PCDHGA1: variants seen among roughly 807,000 people sequenced by gnomAD.
PCDHGA1 encodes the protein protocadherin gamma-A1.
Under a neutral mutation model 58.0 loss-of-function variants are expected in PCDHGA1, and 32 were observed. The ratio of observed to expected loss-of-function variants is 0.55; its 90% CI spans 0.42 to 0.74. The LOEUF (loss-of-function observed/expected upper bound fraction) is 0.74. Ranked by LOEUF, PCDHGA1 falls within the 30% of genes least tolerant of loss-of-function variation. PCDHGA1 has a pLI of 0.00. For synonymous variants in PCDHGA1, 498 were observed against 501.1 expected, an observed-to-expected ratio of 0.99 and a Z score of 0.08; for missense variants, 1,205 against 1,182.3, an observed-to-expected ratio of 1.02 and a Z score of -0.28.
At chr5:141,344,308 G>A (rs1018408002) in intron 1 of PCDHGA1, 3 of 1,614,068 alleles carry the variant, frequency 1.9e-6, no homozygotes, top group East Asian at 2.2e-5. Context: ...AGGATAGACC[G>A]GGAGGAGCTC....
intron 1 of PCDHGA1, among the ~76,000 whole-genome samples, chr5:141,464,162 G>A (rs1030872607): frequency 6.6e-6 from 1 of 151,946 alleles, no homozygotes; most frequent in African/African-American, 2.4e-5. Context: ...CTACTTGGAA[G>A]GCTGAGGCAG....
intron 1 of PCDHGA1, chr5:141,383,265 A>AAT: frequency 6.2e-7 from 1 of 1,613,948 alleles, no homozygotes; most frequent in African/African-American, 1.3e-5. Flanking sequence ...TAGACGTGGA[A>AAT]ATAATAGATA....
intron 1 of PCDHGA1, chr5:141,417,544 C>A: frequency 3.2e-6 from 1 of 308,860 alleles, no homozygotes; most frequent in Non-Finnish European, 5.9e-6. Context: ...AAAAAAATTC[C>A]TTGAAAGAGG....
intron 1 of PCDHGA1, chr5:141,338,959 C>A (rs746088154): frequency 6.6e-7 from 1 of 1,523,888 alleles, no homozygotes; most frequent in South Asian, 1.3e-5. Flanking sequence ...GAGAAAATTG[C>A]GACAGGAGGG....
At chr5:141,384,942 C>T (rs769507654) in intron 1 of PCDHGA1, 10 of 1,613,874 alleles carry the variant, frequency 6.2e-6, no homozygotes, top group African/African-American at 2.7e-5. Flanking sequence ...TTGAGCCCTC[C>T]GACGGTCCTT....
intron 1 of PCDHGA1, chr5:141,359,943 T>C (rs1020359100): frequency 6.0e-6 from 3 of 500,182 alleles, no homozygotes; most frequent in Non-Finnish European, 9.9e-6. Flanking sequence ...GCGTCGCTGT[T>C]GGTCAAAAGA....
At chr5:141,433,056 G>A (rs1422450948) in intron 1 of PCDHGA1, 1 of 1,614,204 alleles carries the variant, frequency 6.2e-7, no homozygotes, top group South Asian at 1.1e-5. Context: ...TCGCGGAAGA[G>A]TCACCTGATC....
intron 1 of PCDHGA1, among the ~76,000 whole-genome samples, chr5:141,460,997 G>A (rs1322943324): frequency 3.4e-5 from 5 of 147,290 alleles, no homozygotes; most frequent in Admixed American, 1.4e-4. Flanking sequence ...ATATATATAT[G>A]TGTATATATA....
At chr5:141,351,221 G>A (rs201087525) in intron 1 of PCDHGA1, 5 of 1,614,012 alleles carry the variant, frequency 3.1e-6, no homozygotes, top group Non-Finnish European at 4.2e-6. Flanking sequence ...TAAGGATGGA[G>A]GAGTACACAC....
At chr5:141,488,236 T>G (rs1333427955) in intron 1 of PCDHGA1, among the ~76,000 whole-genome samples, 2 of 152,154 alleles carry the variant, frequency 1.3e-5, no homozygotes, top group Non-Finnish European at 2.9e-5. Context: ...TTGAACTAGA[T>G]GCGGTAAATT....
At chr5:141,386,438 G>A (rs79313044) in intron 1 of PCDHGA1, among the ~76,000 whole-genome samples, 2,560 of 152,240 alleles carry the variant, frequency 0.017, 31 homozygotes, top group South Asian at 0.037. Context: ...CTGCATGGGA[G>A]GCTGAGGCAA....
In PCDHGA1 at chr5:141,454,796, A is replaced by ATTTTTTTTTTTTTTTTTTT. The variant is rs61612330; in HGVS notation, c.2422-40000_2422-39982dup. Among the ~76,000 whole-genome samples the ATTTTTTTTTTTTTTTTTTT allele has an allele frequency of 2.8e-4, 22 of 77,458 alleles. 2 individuals are homozygous for ATTTTTTTTTTTTTTTTTTT. Among genetic ancestry groups the ATTTTTTTTTTTTTTTTTTT allele is most frequent in the East Asian group, 4.0e-4 (1 of 2,512 alleles). The allele number at this position is 77,458 out of a possible 152,430, so 50.8% of individuals were successfully genotyped here. The stretch of plus-strand genomic sequence containing the variant: ...AAGGAAATAATCCTCCATGGTTCTA[A>ATTTTTTTTTTTTTTTTTTT]TTTTTTTTTTTTTTTTTTTTTTTTT... On this transcript the variant is annotated intron_variant, in intron 1 of 3. Coordinates refer to ENST00000517417, the MANE Select transcript of PCDHGA1 (RefSeq NM_018912.3).
chr5:141,477,878 C>T lies in PCDHGA1; in HGVS notation c.2422-16929C>T. On this transcript the variant is annotated intron_variant, in intron 1 of 3. Coordinates refer to ENST00000517417, the MANE Select transcript of PCDHGA1 (RefSeq NM_018912.3). The surrounding 1 kb of genome is among the most constrained non-coding windows in gnomAD (Gnocchi z 4.9). ...GCTGCCTCGAGGTACCTCAGCTGGC[C>T]ACCTAGTGTCACGGGTGGTAGGCTG... 2.5e-6 allele frequency: 4 copies of T among 1,614,158 alleles called. No individual in the cohort carries two copies. Among genetic ancestry groups the T allele is most frequent in the Non-Finnish European group, 3.4e-6 (4 of 1,180,008 alleles).
At chr5:141,362,374 A>AC (rs765639463) in intron 1 of PCDHGA1, 4 of 1,614,036 alleles carry the variant, frequency 2.5e-6, no homozygotes, top group Non-Finnish European at 3.4e-6. Context: ...CAGTGAGGGT[A>AC]CATTGCCCTA....
At chr5:141,507,286 TC>T in intron 3 of PCDHGA1, 1 of 149,886 alleles carries the variant, frequency 6.7e-6, no homozygotes, top group East Asian at 1.9e-4. Context: ...TAAGTCAGTC[TC>T]AAATGTTGCA....
Position 141,432,108 on chromosome 5 carries a change from C to G in PCDHGA1, c.2422-62699C>G. ...GTGGCAGACACCAACGACAACCCGC[C>G]GGTCTTCCCTCAGGCCTCCTATTCC... On this transcript the variant is annotated intron_variant, in intron 1 of 3. Coordinates refer to ENST00000517417, the MANE Select transcript of PCDHGA1 (RefSeq NM_018912.3). The surrounding 1 kb of genome is among the most constrained non-coding windows in gnomAD (Gnocchi z 6.0). 4 of 1,614,180 alleles carry G rather than the reference C, an allele frequency of 2.5e-6. No homozygotes were observed. The highest frequency in any genetic ancestry group is 3.4e-6 in the Non-Finnish European group (4 of 1,180,046).
chr5:141,352,824 C>T (rs1366479814), intron 1 of PCDHGA1: 2 of 782,824 alleles, frequency 2.6e-6, no homozygotes, highest in Non-Finnish European at 4.0e-6. Context: ...ACCCGGTCTA[C>T]TAAAATTACA....
Position 141,408,360 on chromosome 5 carries a change from A to G in PCDHGA1, c.2421+75255A>G, listed in dbSNP as rs373951875. 2.4e-5 allele frequency: 38 copies of G among 1,613,808 alleles called. No homozygotes were observed. In the African/African-American group the frequency reaches 3.7e-4, roughly 16 times the overall value. ...TCGGTGGTGGGGAACCTCGCTAAGG[A>G]TCTAGGGCTCAGTGTCCTGGATGTG... On this transcript the variant is annotated intron_variant, in intron 1 of 3. Coordinates refer to ENST00000517417, the MANE Select transcript of PCDHGA1 (RefSeq NM_018912.3).
At chr5:141,459,910 A>G (rs2098977946) in intron 1 of PCDHGA1, among the ~76,000 whole-genome samples, 2 of 152,042 alleles carry the variant, frequency 1.3e-5, no homozygotes, top group Non-Finnish European at 1.5e-5. Context: ...GAGCTATGGG[A>G]GTTTTAAAAT....
Sources: gnomAD v4.1 joint callset for allele counts (sites outside exome capture counted in the v4.1 genomes callset) on GRCh38, gnomAD v4.1.1 for gene constraint, Gnocchi (gnomAD v3.1) non-coding constraint, MANE v1.5 for transcripts, NCBI Gene and HGNC (gene_info 2026-07-23, HGNC 2026-07-21) for gene names.